Variants in RALGAPA1 observed in about 807,000 individuals in gnomAD.
RALGAPA1 encodes the protein ral GTPase-activating protein subunit alpha-1.
A neutral mutation model predicts 269.6 loss-of-function variants in RALGAPA1; 52 were observed. The observed-to-expected ratio is 0.19, with a 90% CI of 0.15 to 0.24. The LOEUF (loss-of-function observed/expected upper bound fraction) is 0.24. RALGAPA1 is among the 10% of genes least tolerant of loss of function. The pLI is 1.00. For synonymous variants in RALGAPA1, 817 were observed against 1,008.3 expected (o/e 0.81, Z 3.60); for missense variants, 1,917 against 3,013.9 (o/e 0.64, Z 8.52).
chr14:35,543,139 A>G (rs1400983800), intron 41 of RALGAPA1, among the ~76,000 whole-genome samples: 1 of 152,236 alleles, frequency 6.6e-6, no homozygotes, highest in Non-Finnish European at 1.5e-5. Flanking sequence ...CGACTCTGTC[A>G]CTTTACCAGC....
At chr14:35,768,943 G>T (rs2074363270) in intron 4 of RALGAPA1, among the ~76,000 whole-genome samples, 1 of 142,362 alleles carries the variant, frequency 7.0e-6, no homozygotes, top group Non-Finnish European at 1.5e-5. Context: ...GGGAGGCGGA[G>T]GTTGTGGTGA....
chr14:35,624,456 T>C (rs1250217086), intron 35 of RALGAPA1, among the ~76,000 whole-genome samples: 1 of 152,082 alleles, frequency 6.6e-6, no homozygotes, highest in Non-Finnish European at 1.5e-5. Flanking sequence ...AAGTTTTGTT[T>C]TATGCTTTGT....
chr14:35,794,519 C>T (rs2076416992), intron 1 of RALGAPA1, among the ~76,000 whole-genome samples: 1 of 152,122 alleles, frequency 6.6e-6, no homozygotes, highest in African/African-American at 2.4e-5. Flanking sequence ...TGCAGTGGCG[C>T]AGTCTCGGCT....
At chr14:35,705,251 A>G (rs755531206) in intron 16 of RALGAPA1, among the ~76,000 whole-genome samples, 1 of 152,178 alleles carries the variant, frequency 6.6e-6, no homozygotes, top group Non-Finnish European at 1.5e-5. Context: ...AGTGACACAT[A>G]TATACCATTA....
chr14:35,674,681 A>G lies in RALGAPA1; in HGVS notation c.4653T>C (p.Cys1551=). The G allele has an allele frequency of 6.5e-7, 1 of 1,549,424 alleles. No homozygotes were observed. The change falls in exon 23 of 42, where the codon TGT becomes TGC. Residue 1551 remains cysteine (C), a synonymous_variant. Coordinates refer to ENST00000680220, the MANE Select transcript of RALGAPA1 (RefSeq NM_001346249.2). ...LEISEFPSEC[C]SVMAGGTLTG... ...TCAGAGTACCTCCTGCCATCACACTACAACATTCTGATGGAAATTCACTAA... is the reference window on the plus strand; with the variant it reads ...TCAGAGTACCTCCTGCCATCACACTGCAACATTCTGATGGAAATTCACTAA...
At chr14:35,775,593 T>C (rs1446458589) in intron 2 of RALGAPA1, 42 bp downstream of exon 2, 4 of 1,539,098 alleles carry the variant, frequency 2.6e-6, no homozygotes, top group Non-Finnish European at 3.5e-6. Context: ...TGACAATTAT[T>C]AGAAATATTA....
chr14:35,688,226 G>A (rs2066128825), intron 18 of RALGAPA1, among the ~76,000 whole-genome samples: 3 of 152,236 alleles, frequency 2.0e-5, no homozygotes, highest in Admixed American at 6.5e-5. Flanking sequence ...TTCCTATGTT[G>A]TTGTTCAGCA....
intron 11 of RALGAPA1, among the ~76,000 whole-genome samples, chr14:35,741,488 G>A (rs915899279): frequency 1.3e-5 from 2 of 151,408 alleles, no homozygotes; most frequent in Admixed American, 6.6e-5. Flanking sequence ...ACACACACAC[G>A]CTCAGGCTCA....
At chr14:35,625,571 C>T (rs2060942826) in intron 34 of RALGAPA1, 139 bp from the exon 35 acceptor site, 2 of 516,370 alleles carry the variant, frequency 3.9e-6, no homozygotes, top group Non-Finnish European at 6.7e-6. Context: ...GGAGAACAGA[C>T]CCTAAAAAAA....
At position 35,628,838 on chromosome 14, in the gene RALGAPA1, T is replaced by C. The variant is rs182750106; in HGVS notation, c.5996-887A>G. Among the ~76,000 whole-genome samples the C allele has an allele frequency of 8.2e-4, 125 of 152,166 alleles. 1 individual carries two copies. The highest frequency in any genetic ancestry group is 2.9e-3 in the African/African-American group (122 of 41,520). The stretch of plus-strand genomic sequence containing the variant: ...GCAAGAAATATTTTTTTCCCTCAAG[T>C]ACAATACAGAGGAAAACAGGTAAGA... On this transcript the variant is annotated intron_variant, in intron 33 of 41. Coordinates refer to ENST00000680220, the MANE Select transcript of RALGAPA1 (RefSeq NM_001346249.2).
chr14:35,800,363 TTAAA>T lies in RALGAPA1; in HGVS notation c.106+8363_106+8366del, dbSNP rs1436399783. The stretch of plus-strand genomic sequence containing the variant: ...ACCATCAAACAAATTTCATTAGCTT[TTAAA>T]TAATTCAGGTTATAAAAAATAGTGT... On this transcript the variant is annotated intron_variant, in intron 1 of 41. Transcript: ENST00000680220. Among the ~76,000 whole-genome samples the T allele has an allele frequency of 5.0e-4, 76 of 152,336 alleles. 1 individual carries two copies. Among genetic ancestry groups the T allele is most frequent in the African/African-American group, 1.7e-3 (70 of 41,580 alleles).
intron 1 of RALGAPA1, among the ~76,000 whole-genome samples, chr14:35,782,515 C>T (rs1040546485): frequency 6.6e-6 from 1 of 152,050 alleles, no homozygotes; most frequent in African/African-American, 2.4e-5. Flanking sequence ...CTCATTGCAA[C>T]CTCCGCCTCT....
At chr14:35,717,774 T>C (rs1344546594) in intron 16 of RALGAPA1, among the ~76,000 whole-genome samples, 1 of 152,040 alleles carries the variant, frequency 6.6e-6, no homozygotes, top group African/African-American at 2.4e-5. Flanking sequence ...TCCAGGCTGG[T>C]CTCAAACCCC....
chr14:35,643,173 G>A (rs952508997), intron 31 of RALGAPA1, among the ~76,000 whole-genome samples: 1 of 151,690 alleles, frequency 6.6e-6, no homozygotes, highest in African/African-American at 2.4e-5. Flanking sequence ...CACACACCAG[G>A]GCCTTTCGAG....
At chr14:35,781,850 T>C (rs1271538745) in intron 1 of RALGAPA1, among the ~76,000 whole-genome samples, 3 of 152,202 alleles carry the variant, frequency 2.0e-5, no homozygotes, top group African/African-American at 4.8e-5. Flanking sequence ...CAGGTATCTA[T>C]GAAACGGTCA....
At chr14:35,556,053 A>C (rs1055961624) in intron 39 of RALGAPA1, among the ~76,000 whole-genome samples, 4 of 152,228 alleles carry the variant, frequency 2.6e-5, no homozygotes, top group Non-Finnish European at 5.9e-5. Context: ...TTCTAAAATA[A>C]AAATTTGAAA....
At chr14:35,666,121 T>A (rs760255810) in intron 26 of RALGAPA1, among the ~76,000 whole-genome samples, 1 of 151,528 alleles carries the variant, frequency 6.6e-6, no homozygotes, top group Non-Finnish European at 1.5e-5. Context: ...GGTCAAATGA[T>A]CCTCCCATCT....
At chr14:35,762,833 C>T (rs1389927768) in intron 4 of RALGAPA1, 80 bp from the exon 5 acceptor site, 1 of 853,112 alleles carries the variant, frequency 1.2e-6, no homozygotes, top group Non-Finnish European at 2.0e-6. Context: ...CTTGAAAACA[C>T]TTTTAAATAA....
chr14:35,632,113 T>G (rs2061394481), intron 33 of RALGAPA1, among the ~76,000 whole-genome samples: 1 of 152,206 alleles, frequency 6.6e-6, no homozygotes, highest in African/African-American at 2.4e-5. Context: ...TCAGGATATA[T>G]GTCTGTATAT....
Sources: allele counts gnomAD v4.1 joint callset (sites outside exome capture counted in the v4.1 genomes callset), GRCh38; gene constraint gnomAD v4.1.1; transcripts MANE v1.5; gene names NCBI Gene and HGNC (gene_info 2026-07-23, HGNC 2026-07-21).